The following IL34 variants were observed in gnomAD, a reference collection of about 807,000 sequenced individuals.
The protein encoded by IL34 is interleukin 34, also known as interleukin-34.
A neutral mutation model predicts 25.3 loss-of-function variants in IL34; 17 were observed. That is an observed-to-expected ratio of 0.67 (90% confidence interval 0.46 to 1.01). The LOEUF is 1.01. IL34 is among the 50% of genes least tolerant of loss of function. IL34 has a pLI of 0.00. For synonymous variants in IL34, 174 were observed against 140.9 expected (o/e 1.23, Z -1.66); for missense variants, 368 against 312.9 (o/e 1.18, Z -1.33).
chr16:70,653,970 C>T (rs1030504956), intron 1 of IL34: 1 of 152,184 alleles, frequency 6.6e-6, no homozygotes, highest in Non-Finnish European at 1.5e-5. Flanking sequence ...AGTATGAGAT[C>T]TGCTTAACGT....
chr16:70,621,093 G>T (rs1443318133), intron 1 of IL34, among the ~76,000 whole-genome samples: 3 of 152,088 alleles, frequency 2.0e-5, no homozygotes, highest in African/African-American at 4.8e-5. Flanking sequence ...TGCCCCCTAG[G>T]AAAGCGGGAC....
At chr16:70,659,308 G>A (rs2052318244) in intron 4 of IL34, among the ~76,000 whole-genome samples, 1 of 152,240 alleles carries the variant, frequency 6.6e-6, no homozygotes, top group African/African-American at 2.4e-5. Flanking sequence ...TCCTCACGCA[G>A]TGGTGGGTGG....
intron 1 of IL34, among the ~76,000 whole-genome samples, chr16:70,605,437 G>A (rs745339251): frequency 1.8e-4 from 28 of 152,226 alleles, no homozygotes; most frequent in South Asian, 1.2e-3. Flanking sequence ...TCACTGTGTT[G>A]TGTAATCATC....
At chr16:70,637,275 A>G (rs2051677155) in intron 1 of IL34, among the ~76,000 whole-genome samples, 1 of 152,184 alleles carries the variant, frequency 6.6e-6, no homozygotes, top group Non-Finnish European at 1.5e-5. Flanking sequence ...CATATATAAG[A>G]ATCAAATCAA....
Position 70,659,678 on chromosome 16 carries a change from A to G in IL34, c.463A>G (p.Asn155Asp), listed in dbSNP as rs2052335427. 4 of 1,613,138 alleles carry G rather than the reference A, an allele frequency of 2.5e-6. No homozygotes were observed. The East Asian group carries it at 8.9e-5, about 36-fold the overall frequency. Reference sequence around the variant, plus strand: ...GTCCCTCTTGAATGCCCCAGGGCCAAACCTGAAGCTGGTGCGGCCCAAAGC... The same window carrying G: ...GTCCCTCTTGAATGCCCCAGGGCCAGACCTGAAGCTGGTGCGGCCCAAAGC... ...VLSLLNAPGP[N>D]LKLVRPKALL... Residue 155 changes from asparagine (N) to aspartate (D), a missense_variant, in exon 5 of 6, where the codon AAC becomes GAC. Coordinates refer to ENST00000288098, the MANE Select transcript of IL34 (RefSeq NM_001393494.1).
chr16:70,601,024 A>C lies in IL34; in HGVS notation c.-401+20975A>C, dbSNP rs2050908327. The stretch of plus-strand genomic sequence containing the variant: ...AAGAGACGTGGGAGATGCTGGGAGA[A>C]GTAGGGGATGAGGGGAGAAGTAGGG... On this transcript the variant is annotated intron_variant, in intron 1 of 6. Coordinates refer to the IL34 transcript ENST00000429149. Among the ~76,000 whole-genome samples the C allele has an allele frequency of 2.0e-5, 3 of 151,510 alleles. No homozygotes were observed. The South Asian group carries it at 6.3e-4, about 32-fold the overall frequency.
At chr16:70,616,412 G>C (rs1464734207) in intron 1 of IL34, among the ~76,000 whole-genome samples, 1 of 152,120 alleles carries the variant, frequency 6.6e-6, no homozygotes, top group Non-Finnish European at 1.5e-5. Flanking sequence ...ACTCAATGTA[G>C]TCTTAATTTA....
chr16:70,653,346 CAAAAAA>C (rs200626111), intron 1 of IL34, among the ~76,000 whole-genome samples: 4 of 86,888 alleles, frequency 4.6e-5, no homozygotes, highest in Middle Eastern at 7.6e-3. Context: ...AACCCTGTCT[CAAAAAA>C]AAAAAAAAAA....
chr16:70,584,037 C>T (rs1468768016), intron 1 of IL34, among the ~76,000 whole-genome samples: 1 of 152,204 alleles, frequency 6.6e-6, no homozygotes, highest in Admixed American at 6.5e-5. Context: ...CCCCTGCCCC[C>T]AAGGCAATAC....
In IL34 at chr16:70,656,970, A is replaced by G; in HGVS notation, c.251A>G (p.Gln84Arg). ...IANVTRLQRA[Q>R]VSERELRYLW... ...TCCCTGTTTCCGCAGCAGAGGGCCC[A>G]GGTGAGCGAGCGGGAGCTGCGGTAT... Residue 84 changes from glutamine to arginine, a missense_variant, in exon 4 of 6, where the codon CAG becomes CGG. By Grantham distance (43) the Gln-to-Arg change is conservative. Coordinates refer to ENST00000288098, the MANE Select transcript of IL34 (RefSeq NM_001393494.1). The G allele has an allele frequency of 6.2e-7, 1 of 1,608,922 alleles. No individual in the cohort carries two copies. The highest frequency in any genetic ancestry group is 8.5e-7 in the Non-Finnish European group (1 of 1,177,894).
At chr16:70,592,810 A>G (rs960665779) in intron 1 of IL34, among the ~76,000 whole-genome samples, 1 of 152,008 alleles carries the variant, frequency 6.6e-6, no homozygotes, top group Non-Finnish European at 1.5e-5. Context: ...ACATGCCACC[A>G]TGCCCAGCTA....
intron 2 of IL34, 35 bp downstream of exon 2, chr16:70,654,706 C>G (rs577783463): frequency 8.3e-6 from 13 of 1,570,560 alleles, no homozygotes; most frequent in Non-Finnish European, 1.1e-5. Context: ...TCCCTGTCCC[C>G]GCGTCCCGGG....
chr16:70,655,162 C>T (rs1229451583), intron 2 of IL34, among the ~76,000 whole-genome samples: 4 of 151,492 alleles, frequency 2.6e-5, no homozygotes, highest in Non-Finnish European at 5.9e-5. Context: ...CAGTGATTCT[C>T]CTGCCTCAGC....
chr16:70,631,586 G>C (rs1020018203), intron 1 of IL34, among the ~76,000 whole-genome samples: 12 of 151,962 alleles, frequency 7.9e-5, no homozygotes, highest in Non-Finnish European at 1.8e-4. Context: ...AGAGTCTCTG[G>C]GCTGTTATAA....
At chr16:70,631,846 C>G (rs1007941175) in intron 1 of IL34, among the ~76,000 whole-genome samples, 3 of 151,924 alleles carry the variant, frequency 2.0e-5, no homozygotes, top group African/African-American at 7.3e-5. Flanking sequence ...CCTTCATTTC[C>G]TCATCAGTAA....
chr16:70,621,975 A>G (rs954526768), intron 1 of IL34, among the ~76,000 whole-genome samples: 5 of 151,982 alleles, frequency 3.3e-5, no homozygotes, highest in Non-Finnish European at 5.9e-5. Context: ...TTCTTTTGTG[A>G]TTCTTCAGTT....
intron 1 of IL34, among the ~76,000 whole-genome samples, chr16:70,627,129 TA>T (rs1305042605): frequency 1.3e-5 from 2 of 152,116 alleles, no homozygotes; most frequent in African/African-American, 2.4e-5. Flanking sequence ...AGCCTGGCCC[TA>T]AAAAATATAT....
rs1031589695 is a variant in IL34 at position 70,640,702 on chromosome 16, G to A, written c.-400-5846G>A. Among the ~76,000 whole-genome samples the A allele has an allele frequency of 1.7e-4, 26 of 151,534 alleles. 1 individual carries two copies. Among genetic ancestry groups the A allele is most frequent in the African/African-American group, 5.3e-4 (22 of 41,180 alleles). On this transcript the variant is annotated intron_variant, in intron 1 of 6. Transcript: ENST00000429149. ...AAGTTATTTTTAAGTCAGGCCTTTT[G>A]CAGTATAGTTGATGTATGGTAAAGC...
At chr16:70,596,901 CAGAGGAGG>C (rs1349587287) in intron 1 of IL34, among the ~76,000 whole-genome samples, 1 of 152,028 alleles carries the variant, frequency 6.6e-6, no homozygotes, top group African/African-American at 2.4e-5. Context: ...TTCCATTTTA[CAGAGGAGG>C]ATGGGACTCT....
Sources: gnomAD v4.1 joint callset for allele counts (sites outside exome capture counted in the v4.1 genomes callset) on GRCh38, gnomAD v4.1.1 for gene constraint, MANE v1.5 for transcripts, NCBI Gene and HGNC (gene_info 2026-07-23, HGNC 2026-07-21) for gene names.